The following SEM1 variants were observed in gnomAD, a reference collection of about 807,000 sequenced individuals.
SEM1 encodes the protein 26S proteasome complex subunit SEM1.
In SEM1, 3 loss-of-function variants were observed where a neutral mutation model predicts 12.7. The observed-to-expected ratio is 0.24, with a 90% CI of 0.11 to 0.61. The LOEUF (loss-of-function observed/expected upper bound fraction) is 0.61. Among genes scored for constraint, SEM1 ranks in the 20% least tolerant of loss-of-function variants. The pLI is 0.88. For synonymous variants in SEM1, 30 were observed against 27.8 expected (o/e 1.08, Z -0.25); for missense variants, 59 against 81.3 (o/e 0.73, Z 1.06).
intron 2 of SEM1, among the ~76,000 whole-genome samples, chr7:96,546,044 T>A (rs755511465): frequency 2.6e-5 from 4 of 152,144 alleles, no homozygotes; most frequent in Non-Finnish European, 5.9e-5. Context: ...GCAGCTGCTC[T>A]GCAGGCTTCT....
chr7:96,533,398 G>C (rs1462421221), intron 2 of SEM1, among the ~76,000 whole-genome samples: 1 of 152,018 alleles, frequency 6.6e-6, no homozygotes, highest in African/African-American at 2.4e-5. Context: ...TTCTAGAAGA[G>C]TCACCCGCAA....
chr7:96,639,870 G>A (rs943338341), intron 2 of SEM1, among the ~76,000 whole-genome samples: 2 of 151,860 alleles, frequency 1.3e-5, no homozygotes, highest in African/African-American at 4.8e-5. Context: ...ATTCAACAAT[G>A]AGAAAATAAA....
chr7:96,676,343 CTT>C (rs1258735995), intron 2 of SEM1, among the ~76,000 whole-genome samples: 2 of 152,146 alleles, frequency 1.3e-5, no homozygotes, highest in Non-Finnish European at 2.9e-5. Context: ...TGAACAACCT[CTT>C]TATTCCTGCC....
chr7:96,491,941 A>G (rs1371491855), intron 1 of SEM1, among the ~76,000 whole-genome samples: 1 of 152,204 alleles, frequency 6.6e-6, no homozygotes, highest in African/African-American at 2.4e-5. Flanking sequence ...AGAGGCATAC[A>G]GCTAGTAAGT....
At chr7:96,702,835 G>T (rs1267370054) in intron 1 of SEM1, among the ~76,000 whole-genome samples, 1 of 152,146 alleles carries the variant, frequency 6.6e-6, no homozygotes, top group Non-Finnish European at 1.5e-5. Context: ...CATTAGAACA[G>T]AGCACCAGGA....
chr7:96,654,466 CTTTGAAT>C (rs1809111515), intron 2 of SEM1, among the ~76,000 whole-genome samples: 2 of 152,260 alleles, frequency 1.3e-5, no homozygotes, highest in South Asian at 2.1e-4. Context: ...AGAAACCATA[CTTTGAAT>C]TTTGAATTTT....
chr7:96,541,791 G>C (rs955925637), intron 2 of SEM1, among the ~76,000 whole-genome samples: 4 of 151,370 alleles, frequency 2.6e-5, no homozygotes, highest in African/African-American at 7.2e-5. Context: ...GGTAGGTGCT[G>C]TTTCATTCTT....
chr7:96,600,196 C>T (rs1169143546), intron 2 of SEM1, among the ~76,000 whole-genome samples: 1 of 152,116 alleles, frequency 6.6e-6, no homozygotes, highest in Non-Finnish European at 1.5e-5. Context: ...ATACAGAAGC[C>T]ATGCAAGTCT....
chr7:96,705,782 T>G (rs919427119), intron 1 of SEM1, among the ~76,000 whole-genome samples: 1 of 150,388 alleles, frequency 6.6e-6, no homozygotes, highest in African/African-American at 2.5e-5. Flanking sequence ...ATTGCGCCAC[T>G]GCACTCCAGC....
At chr7:96,585,652 C>T (rs528955742) in intron 2 of SEM1, among the ~76,000 whole-genome samples, 34 of 152,186 alleles carry the variant, frequency 2.2e-4, no homozygotes, top group Non-Finnish European at 4.1e-4. Context: ...GAGCCAGGTG[C>T]GGGATATAAT....
exon 4 of SEM1, chr7:96,482,168 A>G (rs1584687777): frequency 6.6e-6 from 1 of 152,078 alleles, no homozygotes; most frequent in South Asian, 2.1e-4. Context: ...TCAACTTTCA[A>G]ATTAGGTCAT....
At chr7:96,536,992 C>T (rs887749971) in intron 2 of SEM1, among the ~76,000 whole-genome samples, 1 of 151,696 alleles carries the variant, frequency 6.6e-6, no homozygotes, top group Non-Finnish European at 1.5e-5. Flanking sequence ...GGTTTATTCT[C>T]CCTCTTTTAC....
chr7:96,520,649 C>T (rs1003851257), intron 2 of SEM1, among the ~76,000 whole-genome samples: 1 of 152,118 alleles, frequency 6.6e-6, no homozygotes, highest in African/African-American at 2.4e-5. Context: ...GGAAGAAAAT[C>T]TAGCACCGTG....
chr7:96,677,655 C>A (rs1297748512), intron 2 of SEM1, among the ~76,000 whole-genome samples: 1 of 152,084 alleles, frequency 6.6e-6, no homozygotes, highest in Non-Finnish European at 1.5e-5. Context: ...AGAGCAGGAA[C>A]TATTCAGTGG....
At chr7:96,674,387 C>T (rs1789400394) in intron 2 of SEM1, among the ~76,000 whole-genome samples, 2 of 152,070 alleles carry the variant, frequency 1.3e-5, no homozygotes, top group Admixed American at 1.3e-4. Flanking sequence ...GGTGCGGTGG[C>T]TCACACCTGT....
At chr7:96,698,479 T>C (rs1301154461) in intron 1 of SEM1, among the ~76,000 whole-genome samples, 1 of 152,142 alleles carries the variant, frequency 6.6e-6, no homozygotes, top group African/African-American at 2.4e-5. Flanking sequence ...TGTGTTCTCA[T>C]TGTTCAACTT....
At chr7:96,605,525 T>A (rs1198418471) in intron 2 of SEM1, among the ~76,000 whole-genome samples, 1 of 152,172 alleles carries the variant, frequency 6.6e-6, no homozygotes. Flanking sequence ...AAACAAAAGC[T>A]CTCCAGATAT....
chr7:96,527,377 A>G (rs1249944291), intron 2 of SEM1, among the ~76,000 whole-genome samples: 2 of 152,122 alleles, frequency 1.3e-5, no homozygotes, highest in Non-Finnish European at 2.9e-5. Context: ...GGTTCCCATG[A>G]TTTAGAGCAG....
chr7:96,594,640 C>A (rs1178596875), intron 2 of SEM1, among the ~76,000 whole-genome samples: 2 of 152,100 alleles, frequency 1.3e-5, no homozygotes, highest in Non-Finnish European at 2.9e-5. Context: ...TGTTAATTGG[C>A]AAAATTATTC....
Sources: gnomAD v4.1 joint callset for allele counts (sites outside exome capture counted in the v4.1 genomes callset) on GRCh38, gnomAD v4.1.1 for gene constraint, MANE v1.5 for transcripts, NCBI Gene and HGNC (gene_info 2026-07-23, HGNC 2026-07-21) for gene names.